The following GRK2 variants were observed in gnomAD, a reference collection of about 807,000 sequenced individuals.
GRK2 encodes the protein G protein-coupled receptor kinase 2, also known as adrenergic beta receptor kinase 1.
A neutral mutation model predicts 97.8 loss-of-function variants in GRK2; 23 were observed. The observed-to-expected ratio is 0.24, with a 90% CI of 0.17 to 0.33. The LOEUF (loss-of-function observed/expected upper bound fraction) is 0.33. GRK2 is among the 10% of genes least tolerant of loss of function. The probability of loss-of-function intolerance (pLI) is 1.00; values close to 1 mark genes in which losing one functional copy is unlikely to be tolerated. For missense variants in GRK2, 633 were observed against 956.9 expected (o/e 0.66, Z 4.47); for synonymous variants, 425 against 381.7 (o/e 1.11, Z -1.32).
chr11:67,284,125 G>C, intron 17 of GRK2, 86 bp from the exon 18 acceptor site: 1 of 1,567,320 alleles, frequency 6.4e-7, no homozygotes, highest in Admixed American at 1.7e-5. Flanking sequence ...TCCCTACCCA[G>C]GGCCCTGGGT....
Position 67,266,666 on chromosome 11 carries a change from G to T in GRK2, c.-34G>T, listed in dbSNP as rs1565434438. 2 of 1,035,602 alleles carry T rather than the reference G, an allele frequency of 1.9e-6. No homozygotes were observed. The allele number at this position is 1,035,602 out of a possible 1,614,324, so 64.2% of individuals were successfully genotyped here. ...AGCGAGCAGGAGCGGCGGCGGCGGC[G>T]GCGGCGGCGGGAGGAGGCAGCGCCG... On this transcript the variant is annotated 5_prime_UTR_variant, in exon 1 of 21. Coordinates refer to ENST00000308595, the MANE Select transcript of GRK2 (RefSeq NM_001619.5).
chr11:67,285,223 A>G (rs1326313160), intron 20 of GRK2, 35 bp downstream of exon 20: 1 of 1,612,276 alleles, frequency 6.2e-7, no homozygotes, highest in Non-Finnish European at 8.5e-7. Context: ...GGGAGGGCCG[A>G]GGGGCCAGGC....
At position 67,282,905 on chromosome 11, in the gene GRK2, A is replaced by G; in HGVS notation, c.1227+87A>G. On this transcript the variant is annotated intron_variant, in intron 14 of 20. Coordinates refer to ENST00000308595, the MANE Select transcript of GRK2 (RefSeq NM_001619.5). The surrounding 1 kb of genome is among the most constrained non-coding windows in gnomAD (Gnocchi z 6.9). ...CCATGACTCTTGCTTCCCACCAGCC[A>G]GCAGAGATCTGGGCCACTGACCCCT... The G allele has an allele frequency of 1.4e-6, 2 of 1,437,520 alleles. No homozygotes were observed. Among genetic ancestry groups the G allele is most frequent in the Non-Finnish European group, 1.9e-6 (2 of 1,051,226 alleles). 89.0% of individuals were successfully genotyped at this position (1,437,520 alleles called of 1,614,324 possible).
Position 67,266,681 on chromosome 11 carries a change from A to C in GRK2, c.-19A>C. 5 of 1,105,294 alleles carry C rather than the reference A, an allele frequency of 4.5e-6. No individual in the cohort carries two copies. Among genetic ancestry groups the C allele is most frequent in the Non-Finnish European group, 3.4e-6 (3 of 890,672 alleles). The allele number at this position is 1,105,294 out of a possible 1,614,324, so 68.5% of individuals were successfully genotyped here. ...CGGCGGCGGCGGCGGCGGCGGGAGG[A>C]GGCAGCGCCGCCGCCAAGATGGCGG... On this transcript the variant is annotated 5_prime_UTR_variant, in exon 1 of 21. Transcript: ENST00000308595.
chr11:67,274,494 C>CA (rs1859981853), intron 1 of GRK2, among the ~76,000 whole-genome samples: 1 of 23,582 alleles, frequency 4.2e-5, no homozygotes, highest in African/African-American at 8.0e-5. Flanking sequence ...TTGACCAGCA[C>CA]CTTTTTTTTT....
At chr11:67,271,973 T>G (rs1430611310) in intron 1 of GRK2, among the ~76,000 whole-genome samples, 1 of 152,192 alleles carries the variant, frequency 6.6e-6, no homozygotes, top group Non-Finnish European at 1.5e-5. Flanking sequence ...CTCGCTCATC[T>G]CCCAGGGGAC....
At chr11:67,278,556 C>T (rs1406028700) in intron 2 of GRK2, among the ~76,000 whole-genome samples, 1 of 152,210 alleles carries the variant, frequency 6.6e-6, no homozygotes, top group Admixed American at 6.5e-5. Flanking sequence ...CTGAGTTCCA[C>T]TTGAGCCTCT....
intron 1 of GRK2, among the ~76,000 whole-genome samples, chr11:67,272,790 G>A (rs1446771162): frequency 6.6e-6 from 1 of 152,236 alleles, no homozygotes; most frequent in Non-Finnish European, 1.5e-5. Context: ...GCCCGCAGTA[G>A]AGCAATGCAG....
In GRK2 at chr11:67,269,979, G is replaced by T. The variant is rs773070855; in HGVS notation, c.113+3167G>T. 2.6e-5 allele frequency among the ~76,000 whole-genome samples: 4 copies of T among 152,202 alleles called. No homozygotes were observed. The highest frequency in any genetic ancestry group is 2.6e-4 in the Admixed American group (4 of 15,288). On this transcript the variant is annotated intron_variant, in intron 1 of 20. Transcript: ENST00000308595. The surrounding 1 kb of genome is among the most constrained non-coding windows in gnomAD (Gnocchi z 4.1). ...CGACCTTCTTGTAGAAGGAGGTAGC[G>T]TAAGGCAGCATTGTGTATCTGGAAG...
chr11:67,284,090 TG>T (rs1395811211), intron 17 of GRK2, 120 bp from the exon 18 acceptor site: 25 of 1,475,782 alleles, frequency 1.7e-5, no homozygotes, highest in Non-Finnish European at 2.1e-5. Flanking sequence ...CCAACTTCCC[TG>T]GGGGGTGGCA....
Position 67,281,594 on chromosome 11 carries a change from G to A in GRK2, c.747+36G>A. The stretch of plus-strand genomic sequence containing the variant: ...TGGGCCGGGCTGCCGCTGAGGCTCT[G>A]GAACCCCGGGCGCCCCTGCTAACTG... On this transcript the variant is annotated intron_variant, in intron 9 of 20. Transcript: ENST00000308595. The surrounding 1 kb of genome is among the most constrained non-coding windows in gnomAD (Gnocchi z 5.7). 2 of 1,611,294 alleles carry A rather than the reference G, an allele frequency of 1.2e-6. No homozygotes were observed. The highest frequency in any genetic ancestry group is 1.7e-6 in the Non-Finnish European group (2 of 1,178,280).
At chr11:67,283,595 C>G in intron 15 of GRK2, 112 bp from the exon 16 acceptor site, 2 of 1,039,894 alleles carry the variant, frequency 1.9e-6, no homozygotes, top group Non-Finnish European at 2.9e-6. Context: ...GAGGAAACAG[C>G]TCAGGCTTAA....
In GRK2 at chr11:67,269,803, A is replaced by T. The variant is rs12790040; in HGVS notation, c.113+2991A>T. Among the ~76,000 whole-genome samples, 11,031 of 152,174 alleles carry T rather than the reference A, an allele frequency of 0.072. 550 individuals are homozygous for T. The highest frequency in any genetic ancestry group is 0.14 in the African/African-American group (5,694 of 41,508). On this transcript the variant is annotated intron_variant, in intron 1 of 20. Coordinates refer to ENST00000308595, the MANE Select transcript of GRK2 (RefSeq NM_001619.5). This position sits in a 1 kb window ranked among gnomAD's most constrained non-coding sequence, Gnocchi z 4.1. Reference sequence around the variant, plus strand: ...GCCCCTCCATGGCTGGTGCCTGGGGATGTGTCTTGGCCAAGAACTGGGGCT... The same window carrying T: ...GCCCCTCCATGGCTGGTGCCTGGGGTTGTGTCTTGGCCAAGAACTGGGGCT...
chr11:67,277,401 C>T, intron 2 of GRK2, 53 bp downstream of exon 2: 7 of 1,502,630 alleles, frequency 4.7e-6, no homozygotes, highest in Non-Finnish European at 6.5e-6. Context: ...TTGCCCCTAC[C>T]CCAGCCAGCC....
intron 1 of GRK2, among the ~76,000 whole-genome samples, chr11:67,274,310 C>G (rs949597754): frequency 3.3e-5 from 5 of 151,834 alleles, no homozygotes; most frequent in Non-Finnish European, 7.4e-5. Flanking sequence ...CGCGTCCCGC[C>G]AAGCTGGCAC....
rs1242645884 is a variant in GRK2 at position 67,282,660 on chromosome 11, G to A, written c.1161-92G>A. 1.7e-5 allele frequency: 27 copies of A among 1,562,938 alleles called. No individual in the cohort carries two copies. The highest frequency in any genetic ancestry group is 5.7e-5 in the South Asian group (5 of 88,188). ...CTGCCTTGGTGGTAGGGTTGGCACC[G>A]TCCCTGACTTTGGCCACAGCTCATC... On this transcript the variant is annotated intron_variant, in intron 13 of 20. Transcript: ENST00000308595. This position sits in a 1 kb window ranked among gnomAD's most constrained non-coding sequence, Gnocchi z 6.9.
intron 18 of GRK2, chr11:67,284,632 CA>C: frequency 6.7e-6 from 5 of 748,570 alleles, no homozygotes; most frequent in Non-Finnish European, 1.0e-5. Context: ...CAAAAAATAC[CA>C]AAAAAATTAG....
chr11:67,283,918 C>T lies in GRK2; in HGVS notation c.1460C>T (p.Ser487Phe). The change falls in exon 17 of 21, where the codon TCC becomes TTC. Residue 487 changes from serine (S) to phenylalanine (F), a missense_variant. Physicochemically the swap from Ser to Phe is radical, Grantham distance 155 (BLOSUM62 -2). Transcript: ENST00000308595. ...GCGGCCGACGCCTTCGACATTGGCT[C>T]CTTCGATGAGGAGGACACAAAAGGA... ...VNAADAFDIG[S>F]FDEEDTKGIK... 1.2e-6 allele frequency: 2 copies of T among 1,612,492 alleles called. No homozygotes were observed. The highest frequency in any genetic ancestry group is 8.5e-7 in the Non-Finnish European group (1 of 1,179,580).
chr11:67,274,848 CGAAGGG>C (rs1859995327), intron 1 of GRK2, among the ~76,000 whole-genome samples: 1 of 152,172 alleles, frequency 6.6e-6, no homozygotes, highest in African/African-American at 2.4e-5. Flanking sequence ...GCGTGTGGCC[CGAAGGG>C]GCGGGTGTGC....
Sources: allele counts gnomAD v4.1 joint callset (sites outside exome capture counted in the v4.1 genomes callset), GRCh38; gene constraint gnomAD v4.1.1; non-coding constraint Gnocchi (gnomAD v3.1); transcripts MANE v1.5; gene names NCBI Gene and HGNC (gene_info 2026-07-23, HGNC 2026-07-21).